The following SULF1 variants were observed in gnomAD, a reference collection of about 807,000 sequenced individuals.
SULF1 encodes extracellular sulfatase Sulf-1.
Under a neutral mutation model 110.5 loss-of-function variants are expected in SULF1, and 46 were observed. The observed-to-expected ratio is 0.42, with a 90% CI of 0.33 to 0.53. The LOEUF is 0.53. Ranked by LOEUF, SULF1 falls within the 20% of genes least tolerant of loss-of-function variation. The pLI, the probability that SULF1 is intolerant of heterozygous loss-of-function variation, is 0.12. For missense variants in SULF1, 941 were observed against 1,094.2 expected (o/e 0.86, Z 1.98); for synonymous variants, 371 against 387.1 (o/e 0.96, Z 0.49).
chr8:69,603,256 A>T lies in SULF1; in HGVS notation c.1126A>T (p.Thr376Ser). ...PTILDIAGLD[T>S]PPDVDGKSVL... is the part of the protein sequence containing the mutation. The stretch of plus-strand genomic sequence containing the variant: ...GATCCTGGATATTGCTGGGCTCGAC[A>T]CACCTCCTGATGTGGACGGCAAGTC... The change falls in exon 11 of 23, where the codon ACA (threonine) becomes TCA (serine). Residue 376 changes from threonine to serine, a missense_variant. Thr to Ser is a moderately conservative substitution (Grantham distance 58). Coordinates refer to ENST00000402687, the MANE Select transcript of SULF1 (RefSeq NM_001128205.2). The T allele has an allele frequency of 6.2e-7, 1 of 1,614,116 alleles. No homozygotes were observed. Among genetic ancestry groups the T allele is most frequent in the Non-Finnish European group, 8.5e-7 (1 of 1,180,012 alleles).
chr8:69,533,557 T>C (rs1214934203), intron 3 of SULF1, among the ~76,000 whole-genome samples: 1 of 152,178 alleles, frequency 6.6e-6, no homozygotes, highest in Non-Finnish European at 1.5e-5. Context: ...TCCAGCTCCA[T>C]CCGTGTCCCT....
In SULF1 at chr8:69,659,191, A is replaced by T; in HGVS notation, c.*656A>T. The T allele has an allele frequency of 6.6e-6, 3 of 456,834 alleles. No homozygotes were observed. The highest frequency in any genetic ancestry group is 4.6e-5 in the South Asian group (3 of 64,560). 28.3% of individuals were successfully genotyped at this position (456,834 alleles called of 1,614,324 possible). On this transcript the variant is annotated 3_prime_UTR_variant, in exon 23 of 23. Transcript: ENST00000402687. The stretch of plus-strand genomic sequence containing the variant: ...AATTTCAGTTCATCAGATGTTCACC[A>T]TGGCCACCGCAGAACACCGAAGTAA...
chr8:69,543,846 A>G (rs1409630763), intron 3 of SULF1, among the ~76,000 whole-genome samples: 1 of 152,204 alleles, frequency 6.6e-6, no homozygotes. Flanking sequence ...CAGGTGTACC[A>G]AGATATCTAC....
chr8:69,563,988 T>C lies in SULF1; in HGVS notation c.13T>C (p.Cys5Arg). The stretch of plus-strand genomic sequence containing the variant: ...TGGACCAAATACAATGAAGTATTCT[T>C]GCTGTGCTCTGGTTTTGGCTGTCCT... MKYS[C>R]CALVLAVLGT... Residue 5 changes from cysteine (C) to arginine (R), a missense_variant, in exon 5 of 23, where the codon TGC becomes CGC. Physicochemically the swap from Cys to Arg is radical, Grantham distance 180. Coordinates refer to ENST00000402687, the MANE Select transcript of SULF1 (RefSeq NM_001128205.2). 1 of 1,614,202 alleles carries C rather than the reference T, an allele frequency of 6.2e-7. No individual in the cohort carries two copies. Among genetic ancestry groups the C allele is most frequent in the South Asian group, 1.1e-5 (1 of 91,082 alleles).
At chr8:69,488,291 C>G (rs1412918855), upstream of SULF1, among the ~76,000 whole-genome samples, 6 of 152,226 alleles carry the variant, frequency 3.9e-5, no homozygotes, top group Non-Finnish European at 4.4e-5. Flanking sequence ...CTACCTTTGA[C>G]TGAAATAATG....
intron 3 of SULF1, among the ~76,000 whole-genome samples, chr8:69,544,644 C>A (rs4636219): frequency 0.13 from 19,537 of 152,072 alleles, 1,442 homozygotes; most frequent in Middle Eastern, 0.19. Context: ...TCAGTGAAGG[C>A]AGAATTCCTA....
chr8:69,514,215 G>T (rs1811770469), intron 3 of SULF1, among the ~76,000 whole-genome samples: 1 of 152,196 alleles, frequency 6.6e-6, no homozygotes, highest in Non-Finnish European at 1.5e-5. Flanking sequence ...AAGAAAAGAG[G>T]TTTAATTGAC....
In SULF1 at chr8:69,558,446, A is replaced by G. The variant is rs550463002; in HGVS notation, c.-133-5093A>G. Reference sequence around the variant, plus strand: ...TAGAAATAATTCTTCTGCCCCATCCAAGAGAGGTTTATTTCTGTGGCGAGT... The same window carrying G: ...TAGAAATAATTCTTCTGCCCCATCCGAGAGAGGTTTATTTCTGTGGCGAGT... On this transcript the variant is annotated intron_variant, in intron 3 of 22. Coordinates refer to ENST00000402687, the MANE Select transcript of SULF1 (RefSeq NM_001128205.2). Among the ~76,000 whole-genome samples, 4 of 152,272 alleles carry G rather than the reference A, an allele frequency of 2.6e-5. No homozygotes were observed. The South Asian group carries it at 8.3e-4, about 32-fold the overall frequency.
chr8:69,486,485 C>T (rs1809717691), intron 1 of SULF1, among the ~76,000 whole-genome samples: 1 of 151,514 alleles, frequency 6.6e-6, no homozygotes, highest in Non-Finnish European at 1.5e-5. Flanking sequence ...GCAATTTACA[C>T]CTTTTTTTTT....
In SULF1 at chr8:69,526,202, C is replaced by A. The variant is rs536739719; in HGVS notation, c.-134+24234C>A. Among the ~76,000 whole-genome samples, 5 of 152,246 alleles carry A rather than the reference C, an allele frequency of 3.3e-5. No homozygotes were observed. The East Asian group carries it at 9.7e-4, about 29-fold the overall frequency. On this transcript the variant is annotated intron_variant, in intron 3 of 22. Transcript: ENST00000402687. ...TCTCAGGAACCTTCTCACTGACCAG[C>A]ATCTTGAGTTCAACGAAACCCCTCT...
rs369378878 is a variant in SULF1 at position 69,627,137 on chromosome 8, C to A, written c.1851-73C>A. The A allele has an allele frequency of 2.8e-5, 33 of 1,172,474 alleles. 1 individual carries two copies. Among genetic ancestry groups the A allele is most frequent in the East Asian group, 2.4e-4 (10 of 41,448 alleles). The allele number at this position is 1,172,474 out of a possible 1,614,324, so 72.6% of individuals were successfully genotyped here. A position where few individuals can be genotyped will look rare whatever the true frequency, so the allele number is the denominator to read the frequency against. Reference sequence around the variant, plus strand: ...TTAAGGATTTTGAGGATTAAAATTTCTCTTTGTTATCTTTAGTGTTTTCTG... The same window carrying A: ...TTAAGGATTTTGAGGATTAAAATTTATCTTTGTTATCTTTAGTGTTTTCTG... On this transcript the variant is annotated intron_variant, in intron 15 of 22. Coordinates refer to ENST00000402687, the MANE Select transcript of SULF1 (RefSeq NM_001128205.2).
At chr8:69,610,398 G>A (rs1808548319) in intron 13 of SULF1, among the ~76,000 whole-genome samples, 1 of 152,188 alleles carries the variant, frequency 6.6e-6, no homozygotes, top group African/African-American at 2.4e-5. Flanking sequence ...AGAATTGTTA[G>A]TTTTCCAGAA....
At chr8:69,484,103 C>T (rs1334509854) in intron 1 of SULF1, among the ~76,000 whole-genome samples, 3 of 152,188 alleles carry the variant, frequency 2.0e-5, no homozygotes, top group African/African-American at 4.8e-5. Context: ...ACTCCATACC[C>T]GCTACCATTA....
chr8:69,617,586 C>A (rs1440587773), intron 13 of SULF1, among the ~76,000 whole-genome samples: 1 of 151,022 alleles, frequency 6.6e-6, no homozygotes, highest in African/African-American at 2.4e-5. Context: ...CTTTTTTGAT[C>A]ATTTCTTGGC....
At chr8:69,573,961 G>A (rs1343201179) in intron 5 of SULF1, among the ~76,000 whole-genome samples, 2 of 152,096 alleles carry the variant, frequency 1.3e-5, no homozygotes, top group Non-Finnish European at 2.9e-5. Context: ...TCTTAGGGTC[G>A]CTCTGTGTCA....
chr8:69,578,184 C>T (rs368925833), intron 6 of SULF1, among the ~76,000 whole-genome samples: 7 of 152,086 alleles, frequency 4.6e-5, no homozygotes, highest in East Asian at 1.9e-4. Context: ...GTACTTGCTT[C>T]GGTTATACTG....
chr8:69,491,353 T>G (rs1464015869), upstream of SULF1, among the ~76,000 whole-genome samples: 3 of 152,216 alleles, frequency 2.0e-5, no homozygotes, highest in Admixed American at 2.0e-4. Context: ...ATAGCACATA[T>G]TATTTCAATA....
intron 5 of SULF1, among the ~76,000 whole-genome samples, chr8:69,566,942 G>T (rs1030443607): frequency 6.6e-6 from 1 of 152,212 alleles, no homozygotes; most frequent in Non-Finnish European, 1.5e-5. Flanking sequence ...GAAAAATGAG[G>T]CTCAGAGAAG....
intron 3 of SULF1, among the ~76,000 whole-genome samples, chr8:69,520,625 A>C (rs1324351048): frequency 6.6e-6 from 1 of 152,190 alleles, no homozygotes; most frequent in African/African-American, 2.4e-5. Context: ...TTTAAAACTA[A>C]AGGTTTTATT....
Sources: gnomAD v4.1 joint callset for allele counts (sites outside exome capture counted in the v4.1 genomes callset) on GRCh38, gnomAD v4.1.1 for gene constraint, MANE v1.5 for transcripts, NCBI Gene and HGNC (gene_info 2026-07-23, HGNC 2026-07-21) for gene names.